Variants in ITGA2 observed in about 807,000 individuals in gnomAD.
ITGA2 encodes the protein integrin subunit alpha 2, also known as integrin alpha-2.
A neutral mutation model predicts 146.3 loss-of-function variants in ITGA2; 101 were observed. The observed-to-expected ratio is 0.69, with a 90% CI of 0.59 to 0.81. The LOEUF is 0.81. Ranked by LOEUF, ITGA2 falls within the 40% of genes least tolerant of loss-of-function variation. The pLI, the probability that ITGA2 is intolerant of heterozygous loss-of-function variation, is 0.00. For synonymous variants in ITGA2, 477 were observed against 487.1 expected (o/e 0.98, Z 0.27); for missense variants, 1,281 against 1,402.7 (o/e 0.91, Z 1.39).
intron 7 of ITGA2, among the ~76,000 whole-genome samples, chr5:53,054,672 C>G (rs1231849446): frequency 6.6e-6 from 1 of 152,080 alleles, no homozygotes; most frequent in African/African-American, 2.4e-5. Context: ...CATGTATATA[C>G]ATGTGCTGAT....
Position 53,075,110 on chromosome 5 carries a change from A to T in ITGA2, c.2714A>T (p.Gln905Leu), listed in dbSNP as rs1745598453. 1 of 1,611,964 alleles carries T rather than the reference A, an allele frequency of 6.2e-7. No individual in the cohort carries two copies. The highest frequency in any genetic ancestry group is 1.3e-5 in the African/African-American group (1 of 74,782). Reference sequence around the variant, plus strand: ...TTCAATCTTCAAAACCTTCAGAATCAGGCGTCTCTCAGTTTCCAAGCCTTA... The same window carrying T: ...TTCAATCTTCAAAACCTTCAGAATCTGGCGTCTCTCAGTTTCCAAGCCTTA... ...FDFNLQNLQN[Q>L]ASLSFQALSE... The change falls in exon 22 of 30, where the codon CAG becomes CTG. Residue 905 changes from glutamine (Q) to leucine (L), a missense_variant. Transcript: ENST00000296585.
intron 1 of ITGA2, among the ~76,000 whole-genome samples, chr5:53,013,271 T>C (rs1424843416): frequency 6.6e-6 from 1 of 152,186 alleles, no homozygotes; most frequent in Non-Finnish European, 1.5e-5. Flanking sequence ...AGTTGATTTT[T>C]GTGTATGGTG....
At chr5:53,014,048 AC>A (rs1742283164) in intron 1 of ITGA2, among the ~76,000 whole-genome samples, 1 of 152,250 alleles carries the variant, frequency 6.6e-6, no homozygotes. Flanking sequence ...TCATCTGCAA[AC>A]AAATAGTTTG....
intron 26 of ITGA2, 22 bp from the exon 27 acceptor site, chr5:53,083,318 A>C: frequency 6.9e-7 from 1 of 1,439,088 alleles, no homozygotes; most frequent in Non-Finnish European, 9.8e-7. Context: ...TCTCTCTTTT[A>C]CCTTTGACTC....
chr5:52,997,417 T>G (rs35237), intron 1 of ITGA2, among the ~76,000 whole-genome samples: 152,151 of 152,356 alleles, frequency 1, 75,975 homozygotes, highest in Middle Eastern at 1. Context: ...TGAAGTTAAT[T>G]TTTAAACAGA....
At chr5:53,023,599 G>A (rs1169297385) in intron 1 of ITGA2, among the ~76,000 whole-genome samples, 2 of 152,064 alleles carry the variant, frequency 1.3e-5, no homozygotes, top group Non-Finnish European at 2.9e-5. Flanking sequence ...AAAAACGCCT[G>A]GTACAAAGGA....
intron 2 of ITGA2, among the ~76,000 whole-genome samples, chr5:53,028,245 G>A (rs1216203792): frequency 6.6e-6 from 1 of 152,202 alleles, no homozygotes; most frequent in Non-Finnish European, 1.5e-5. Context: ...CATCCCCTGA[G>A]AGGGCAGCAT....
chr5:53,073,098 C>A lies in ITGA2; in HGVS notation c.2430-20C>A, dbSNP rs1032435259. Reference sequence around the variant, plus strand: ...ATTTAACAGTAATGGCTTTTCCCCCCTCCTTTTTACTTTTAACAGAGAACA... The same window carrying A: ...ATTTAACAGTAATGGCTTTTCCCCCATCCTTTTTACTTTTAACAGAGAACA... On this transcript the variant is annotated intron_variant, in intron 19 of 29. Coordinates refer to ENST00000296585, the MANE Select transcript of ITGA2 (RefSeq NM_002203.4). The A allele has an allele frequency of 1.2e-6, 2 of 1,610,382 alleles. No homozygotes were observed. The highest frequency in any genetic ancestry group is 1.7e-6 in the Non-Finnish European group (2 of 1,177,784).
intron 2 of ITGA2, 106 bp from the exon 3 acceptor site, chr5:53,042,006 C>G (rs571804364): frequency 2.6e-6 from 2 of 773,472 alleles, no homozygotes; most frequent in East Asian, 2.6e-5. Context: ...CAAATATAAA[C>G]TGTTCACATT....
intron 1 of ITGA2, among the ~76,000 whole-genome samples, chr5:53,018,584 A>G (rs1485818377): frequency 2.0e-5 from 3 of 150,786 alleles, no homozygotes; most frequent in South Asian, 2.1e-4. Flanking sequence ...AGCCTTCCCA[A>G]TGTCCTGGTT....
intron 1 of ITGA2, among the ~76,000 whole-genome samples, chr5:53,005,756 G>C (rs1352493799): frequency 1.3e-5 from 2 of 152,066 alleles, no homozygotes; most frequent in Non-Finnish European, 2.9e-5. Context: ...TGCATTGTCT[G>C]ACCACAATGA....
rs1463113839 is a variant in ITGA2, at chr5:53,055,616, A to T, written c.858A>T (p.Ser286=). 3 of 1,613,250 alleles carry T rather than the reference A, an allele frequency of 1.9e-6. No homozygotes were observed. The Admixed American group carries it at 5.0e-5, about 27-fold the overall frequency. ...TGGTAGTTGTAACTGACGGTGAATC[A>T]CATGATGGTTCAATGTTGAAAGCTG... ...KVMVVVTDGE[S]HDGSMLKAVI... The change falls in exon 8 of 30, where the codon TCA becomes TCT. Residue 286 remains serine (S), a synonymous_variant. Coordinates refer to ENST00000296585, the MANE Select transcript of ITGA2 (RefSeq NM_002203.4).
intron 2 of ITGA2, among the ~76,000 whole-genome samples, chr5:53,040,420 G>A (rs1187110405): frequency 6.6e-6 from 1 of 152,150 alleles, no homozygotes; most frequent in African/African-American, 2.4e-5. Flanking sequence ...TTTCTTCTGA[G>A]CTATCATGAA....
intron 17 of ITGA2, 42 bp downstream of exon 17, chr5:53,070,302 A>G: frequency 6.2e-7 from 1 of 1,606,014 alleles, no homozygotes; most frequent in African/African-American, 1.3e-5. Context: ...ATTTCTTCCT[A>G]AAGACGAGAG....
intron 1 of ITGA2, among the ~76,000 whole-genome samples, chr5:52,991,565 T>C (rs1167429920): frequency 6.6e-6 from 1 of 152,202 alleles, no homozygotes; most frequent in Non-Finnish European, 1.5e-5. Context: ...TCCTTGAGTA[T>C]ACAATATGCC....
chr5:53,085,943 C>G (rs1227617968), intron 27 of ITGA2, among the ~76,000 whole-genome samples: 1 of 152,020 alleles, frequency 6.6e-6, no homozygotes, highest in African/African-American at 2.4e-5. Context: ...GAGCCTTGCT[C>G]TGTTGCCCAG....
chr5:53,050,177 T>G (rs1413726351), intron 6 of ITGA2, among the ~76,000 whole-genome samples: 1 of 152,194 alleles, frequency 6.6e-6, no homozygotes, highest in Non-Finnish European at 1.5e-5. Context: ...TATTTAAGTC[T>G]CCTATATAGA....
intron 27 of ITGA2, among the ~76,000 whole-genome samples, chr5:53,085,334 C>G (rs3212631): frequency 0.053 from 8,076 of 152,218 alleles, 739 homozygotes; most frequent in African/African-American, 0.19. Flanking sequence ...TAGGGAGAAG[C>G]CTTGTTGAAC....
intron 1 of ITGA2, among the ~76,000 whole-genome samples, chr5:53,020,867 G>C (rs867407388): frequency 1.3e-5 from 1 of 79,862 alleles, no homozygotes; most frequent in Non-Finnish European, 2.7e-5. Flanking sequence ...TTTTTTTTTT[G>C]TATTTTTAGT....
Sources: gnomAD v4.1 joint callset for allele counts (sites outside exome capture counted in the v4.1 genomes callset) on GRCh38, gnomAD v4.1.1 for gene constraint, MANE v1.5 for transcripts, NCBI Gene and HGNC (gene_info 2026-07-23, HGNC 2026-07-21) for gene names.